Variants in SPATA6 observed in about 807,000 individuals in gnomAD.
SPATA6 encodes the protein spermatogenesis associated 6, also known as spermatogenesis-associated protein 6.
A neutral mutation model predicts 65.3 loss-of-function variants in SPATA6; 56 were observed. That is an observed-to-expected ratio of 0.86 (90% CI 0.69 to 1.07). The LOEUF is 1.07. Ranked by LOEUF, SPATA6 falls within the 50% of genes least tolerant of loss-of-function variation. The probability of loss-of-function intolerance (pLI) is 0.00; values close to 1 mark genes in which losing one functional copy is unlikely to be tolerated. For missense variants in SPATA6, 590 were observed against 594.8 expected (o/e 0.99, Z 0.08); for synonymous variants, 199 against 213.2 (o/e 0.93, Z 0.58).
intron 3 of SPATA6, among the ~76,000 whole-genome samples, chr1:48,423,564 C>CTTTCT (rs1553168344): frequency 8.3e-6 from 1 of 121,064 alleles, no homozygotes; most frequent in Non-Finnish European, 1.6e-5. Flanking sequence ...TTCTTTCTTT[C>CTTTCT]TTTTTTTTTT....
chr1:48,267,876 C>T, the SPATA6 span, among the ~76,000 whole-genome samples: 5 of 150,798 alleles, frequency 3.3e-5, no homozygotes, highest in Non-Finnish European at 5.9e-5. Context: ...CTCAGCCTCC[C>T]GAGTAGCTGG....
intron 8 of SPATA6, among the ~76,000 whole-genome samples, chr1:48,385,823 A>G (rs1557650036): frequency 6.6e-6 from 1 of 152,166 alleles, no homozygotes; most frequent in Non-Finnish European, 1.5e-5. Flanking sequence ...TGACAAATAA[A>G]TCTGCATTAT....
intron 11 of SPATA6, among the ~76,000 whole-genome samples, chr1:48,338,974 T>C (rs753352814): frequency 1.3e-5 from 2 of 152,000 alleles, no homozygotes; most frequent in Admixed American, 6.6e-5. Context: ...GTCTCTGTCA[T>C]AGAGCTGATA....
At chr1:48,354,466 CA>C (rs1367585485) in intron 11 of SPATA6, among the ~76,000 whole-genome samples, 1 of 152,008 alleles carries the variant, frequency 6.6e-6, no homozygotes, top group Non-Finnish European at 1.5e-5. Flanking sequence ...AGCCCAAACC[CA>C]AAACAAACCA....
intron 3 of SPATA6, among the ~76,000 whole-genome samples, chr1:48,430,540 T>G (rs1159238671): frequency 2.0e-5 from 3 of 151,870 alleles, no homozygotes; most frequent in African/African-American, 7.2e-5. Flanking sequence ...TACAAAGAAA[T>G]AAAGATCTCA....
chr1:48,428,369 G>A (rs1013250455), intron 3 of SPATA6, among the ~76,000 whole-genome samples: 8 of 152,128 alleles, frequency 5.3e-5, no homozygotes, highest in Middle Eastern at 3.2e-3. Flanking sequence ...CAGGAGAATC[G>A]CTGAACCCAG....
intron 1 of SPATA6, among the ~76,000 whole-genome samples, chr1:48,469,736 A>G (rs1010042407): frequency 6.6e-6 from 1 of 151,912 alleles, no homozygotes; most frequent in African/African-American, 2.4e-5. Flanking sequence ...TAACCTTTCT[A>G]TTCAATCAAA....
At chr1:48,306,174 T>C (rs76950781) in intron 11 of SPATA6, among the ~76,000 whole-genome samples, 1,863 of 152,116 alleles carry the variant, frequency 0.012, 46 homozygotes, top group African/African-American at 0.043. Flanking sequence ...TGTCATGATA[T>C]GTAAATTAAC....
chr1:48,432,441 GA>G lies in SPATA6; in HGVS notation c.238+19110del, dbSNP rs1654490697. 4.0e-5 allele frequency among the ~76,000 whole-genome samples: 6 copies of G among 151,566 alleles called. No homozygotes were observed. In the South Asian group the frequency reaches 1.2e-3, roughly 32 times the overall value. On this transcript the variant is annotated intron_variant, in intron 3 of 12. Transcript: ENST00000371847. ...AGAATACACAGAAAATTCCTAAAAC[GA>G]AACCAAAAAAAAATTCAAAAATGGG...
chr1:48,389,097 G>A (rs754606146), intron 8 of SPATA6, among the ~76,000 whole-genome samples: 12 of 151,910 alleles, frequency 7.9e-5, no homozygotes, highest in Non-Finnish European at 1.3e-4. Context: ...TGCCTGCCTC[G>A]GCCTCCCAAA....
At chr1:48,338,410 CA>C (rs1480396116) in intron 11 of SPATA6, among the ~76,000 whole-genome samples, 1 of 151,934 alleles carries the variant, frequency 6.6e-6, no homozygotes, top group Non-Finnish European at 1.5e-5. Context: ...AAAGCTACAC[CA>C]AACACATCTG....
chr1:48,471,717 G>A (rs1003072888), intron 1 of SPATA6, among the ~76,000 whole-genome samples: 1 of 152,206 alleles, frequency 6.6e-6, no homozygotes, highest in Non-Finnish European at 1.5e-5. Context: ...ATCTGAAAGC[G>A]CGCAAGTTGG....
rs578056505 is a variant in SPATA6 at position 48,467,612 on chromosome 1, A to G, written c.51+4346T>C. Among the ~76,000 whole-genome samples the G allele has an allele frequency of 4.6e-5, 7 of 152,274 alleles. No homozygotes were observed. The East Asian group carries it at 1.2e-3, about 25-fold the overall frequency. ...GATAGCATCAGAGTAAAAAGCTTCT[A>G]CACAGCAAAGGAAACCACTAACAGT... is the stretch of plus-strand genomic sequence containing the variant. On this transcript the variant is annotated intron_variant, in intron 1 of 12. Coordinates refer to ENST00000371847, the MANE Select transcript of SPATA6 (RefSeq NM_019073.4).
chr1:48,441,683 T>C (rs1297277208), intron 3 of SPATA6, among the ~76,000 whole-genome samples: 1 of 152,118 alleles, frequency 6.6e-6, no homozygotes, highest in Non-Finnish European at 1.5e-5. Flanking sequence ...GGGTCCTTAC[T>C]CAGACTCGTG....
intron 9 of SPATA6, among the ~76,000 whole-genome samples, chr1:48,364,519 T>C (rs553852069): frequency 2.0e-5 from 3 of 152,346 alleles, no homozygotes; most frequent in Non-Finnish European, 2.9e-5. Context: ...TGGTATCTCA[T>C]TGTGGTTTTG....
chr1:48,312,768 G>C (rs1246925397), intron 11 of SPATA6, among the ~76,000 whole-genome samples: 4 of 152,278 alleles, frequency 2.6e-5, no homozygotes, highest in African/African-American at 9.6e-5. Context: ...GAGGAAGTTA[G>C]AACCCATGGC....
chr1:48,413,196 C>G, intron 3 of SPATA6, 45 bp from the exon 4 acceptor site: 1 of 1,154,978 alleles, frequency 8.7e-7, no homozygotes, highest in South Asian at 1.9e-5. Context: ...AAATTAATAA[C>G]AAAAAAATTA....
intron 2 of SPATA6, 86 bp from the exon 3 acceptor site, chr1:48,451,686 A>C: frequency 7.6e-7 from 1 of 1,311,846 alleles, no homozygotes; most frequent in South Asian, 1.4e-5. Context: ...TTCCTTTCAC[A>C]ATCACAGAAA....
At chr1:48,291,471 A>G (rs1569943009), downstream of SPATA6, among the ~76,000 whole-genome samples, 2 of 152,150 alleles carry the variant, frequency 1.3e-5, no homozygotes, top group African/African-American at 4.8e-5. Context: ...GAATATGGCT[A>G]TCTCTGCTGC....
Sources: allele counts gnomAD v4.1 joint callset (sites outside exome capture counted in the v4.1 genomes callset), GRCh38; gene constraint gnomAD v4.1.1; transcripts MANE v1.5; gene names NCBI Gene and HGNC (gene_info 2026-07-23, HGNC 2026-07-21).